The following DOCK3 variants were observed in gnomAD, a reference collection of about 807,000 sequenced individuals.
DOCK3 encodes the protein dedicator of cytokinesis 3, also known as dedicator of cytokinesis protein 3.
DOCK3 carries 60 observed loss-of-function variants against 265.6 expected under a neutral mutation model. The observed-to-expected ratio is 0.23, with a 90% confidence interval of 0.18 to 0.28. The LOEUF is 0.28. Among genes scored for constraint, DOCK3 ranks in the 10% least tolerant of loss-of-function variants. The pLI is 1.00. For missense variants in DOCK3, 1,981 were observed against 2,594.3 expected, an observed-to-expected ratio of 0.76 and a Z score of 5.14; for synonymous variants, 881 against 938.0, an observed-to-expected ratio of 0.94 and a Z score of 1.11.
intron 12 of DOCK3, among the ~76,000 whole-genome samples, chr3:51,200,431 G>A (rs2088647241): frequency 1.7e-5 from 1 of 57,312 alleles, no homozygotes. Context: ...AAGGGTATCA[G>A]TGATGGAAGA....
chr3:51,140,953 A>C (rs917506435), intron 9 of DOCK3, among the ~76,000 whole-genome samples: 2 of 152,058 alleles, frequency 1.3e-5, no homozygotes, highest in Non-Finnish European at 2.9e-5. Context: ...TTATTATTGA[A>C]TTTTAAGAGA....
chr3:50,991,823 A>G (rs186244538), intron 5 of DOCK3, among the ~76,000 whole-genome samples: 29 of 152,322 alleles, frequency 1.9e-4, no homozygotes, highest in Non-Finnish European at 3.4e-4. Flanking sequence ...CATACTGTAC[A>G]ATCCACCACA....
At chr3:50,866,974 G>A (rs984386351) in intron 3 of DOCK3, among the ~76,000 whole-genome samples, 1 of 152,112 alleles carries the variant, frequency 6.6e-6, no homozygotes, top group African/African-American at 2.4e-5. Context: ...TGTGAATAAT[G>A]TCATTGGTAT....
chr3:51,347,620 A>G (rs2085679822), intron 38 of DOCK3, among the ~76,000 whole-genome samples: 2 of 152,310 alleles, frequency 1.3e-5, no homozygotes, highest in South Asian at 4.1e-4. Flanking sequence ...TTGGCAATGC[A>G]GGCTCTTTTT....
intron 23 of DOCK3, among the ~76,000 whole-genome samples, chr3:51,270,244 C>T (rs956785747): frequency 1.3e-5 from 2 of 152,148 alleles, no homozygotes; most frequent in Non-Finnish European, 2.9e-5. Flanking sequence ...CTTGAGACTA[C>T]CAGGCATCAC....
intron 13 of DOCK3, among the ~76,000 whole-genome samples, chr3:51,213,058 A>C (rs1382384588): frequency 6.6e-6 from 1 of 151,866 alleles, no homozygotes; most frequent in Admixed American, 6.6e-5. Context: ...CTCTTTATCT[A>C]CTTCTCCATT....
At chr3:51,075,319 T>TA (rs2082021166) in intron 6 of DOCK3, 37 bp from the exon 7 acceptor site, 1 of 1,550,566 alleles carries the variant, frequency 6.4e-7, no homozygotes, top group Non-Finnish European at 8.8e-7. Flanking sequence ...GTAATCTGAG[T>TA]ACATGGCATA....
intron 5 of DOCK3, among the ~76,000 whole-genome samples, chr3:51,019,835 C>T (rs1575791149): frequency 6.6e-6 from 1 of 151,840 alleles, no homozygotes; most frequent in African/African-American, 2.4e-5. Flanking sequence ...GCATAGTATT[C>T]CATGGTGTAT....
intron 4 of DOCK3, among the ~76,000 whole-genome samples, chr3:50,929,049 T>G (rs1231310390): frequency 6.6e-6 from 1 of 152,208 alleles, no homozygotes; most frequent in Non-Finnish European, 1.5e-5. Flanking sequence ...GTTAAATGCA[T>G]CTTTGACTTC....
rs192869667 is a variant in DOCK3, at chr3:51,349,822, G to A, written c.4003-466G>A. Among the ~76,000 whole-genome samples, 560 of 152,328 alleles carry A rather than the reference G, an allele frequency of 3.7e-3. 5 individuals carry two copies. The highest frequency in any genetic ancestry group is 3.3e-3 in the Non-Finnish European group (224 of 68,030). On this transcript the variant is annotated intron_variant, in intron 39 of 52. Transcript: ENST00000266037. Reference sequence around the variant, plus strand: ...CAGTTGTTAGCATCTTTAGTCAGATGATAGATGAACAAGAGTTGGACTGAT... The same window carrying A: ...CAGTTGTTAGCATCTTTAGTCAGATAATAGATGAACAAGAGTTGGACTGAT...
At chr3:50,787,936 C>T (rs1334892279) in intron 2 of DOCK3, 4 of 1,029,924 alleles carry the variant, frequency 3.9e-6, no homozygotes, top group Admixed American at 1.8e-5. Flanking sequence ...TGATCTGCTC[C>T]CTTTTGTAAA....
intron 10 of DOCK3, among the ~76,000 whole-genome samples, chr3:51,148,966 T>C (rs1198401732): frequency 6.6e-6 from 1 of 152,254 alleles, no homozygotes; most frequent in African/African-American, 2.4e-5. Flanking sequence ...TGATTCTTCC[T>C]ATCCATGAGC....
intron 1 of DOCK3, among the ~76,000 whole-genome samples, chr3:50,718,942 C>G (rs1186298030): frequency 6.6e-6 from 1 of 151,856 alleles, no homozygotes; most frequent in East Asian, 1.9e-4. Flanking sequence ...TGCCACCATG[C>G]CCGGCTAATT....
At chr3:51,182,489 C>T (rs1275997921) in intron 12 of DOCK3, among the ~76,000 whole-genome samples, 1 of 152,180 alleles carries the variant, frequency 6.6e-6, no homozygotes, top group Admixed American at 6.5e-5. Context: ...CAGAGAGGAC[C>T]TCCTGCCATA....
intron 9 of DOCK3, among the ~76,000 whole-genome samples, chr3:51,116,581 C>G (rs886105650): frequency 1.3e-5 from 2 of 149,818 alleles, no homozygotes. Flanking sequence ...GATATTGATT[C>G]TTCCTATCCA....
chr3:50,966,536 A>G (rs1420479518), intron 5 of DOCK3, among the ~76,000 whole-genome samples: 3 of 132,508 alleles, frequency 2.3e-5, no homozygotes, highest in Non-Finnish European at 4.7e-5. Flanking sequence ...CCATTCTAAC[A>G]CTTGTGAGGT....
chr3:50,863,920 G>A (rs891005928), intron 3 of DOCK3, among the ~76,000 whole-genome samples: 5 of 152,120 alleles, frequency 3.3e-5, no homozygotes, highest in African/African-American at 1.2e-4. Context: ...TCCAATAAAC[G>A]TAGGTGTGCA....
intron 1 of DOCK3, among the ~76,000 whole-genome samples, chr3:50,687,327 G>A (rs1296024571): frequency 6.6e-6 from 1 of 152,198 alleles, no homozygotes; most frequent in Non-Finnish European, 1.5e-5. Context: ...TTTGAACACA[G>A]TTGTTGTTCT....
chr3:51,109,102 C>T (rs1457422573), intron 9 of DOCK3, among the ~76,000 whole-genome samples: 1 of 151,472 alleles, frequency 6.6e-6, no homozygotes, highest in African/African-American at 2.4e-5. Context: ...GGCACATACC[C>T]TAAAATTAAC....
Sources: allele counts gnomAD v4.1 joint callset (sites outside exome capture counted in the v4.1 genomes callset), GRCh38; gene constraint gnomAD v4.1.1; transcripts MANE v1.5; gene names NCBI Gene and HGNC (gene_info 2026-07-23, HGNC 2026-07-21).